PPP4R2: variants seen among roughly 807,000 people sequenced by gnomAD.
PPP4R2 encodes the protein protein phosphatase 4 regulatory subunit 2.
In PPP4R2, 13 loss-of-function variants were observed where a neutral mutation model predicts 47.2. The ratio of observed to expected loss-of-function variants is 0.28; its 90% CI spans 0.18 to 0.44. PPP4R2 has a LOEUF of 0.44. Ranked by LOEUF, PPP4R2 falls within the 20% of genes least tolerant of loss-of-function variation. The pLI, the probability that PPP4R2 is intolerant of heterozygous loss-of-function variation, is 1.00. For synonymous variants in PPP4R2, 151 were observed against 163.3 expected (o/e 0.92, Z 0.57); for missense variants, 421 against 491.2 (o/e 0.86, Z 1.35).
chr3:73,021,281 G>A (rs1489040882), intron 2 of PPP4R2, among the ~76,000 whole-genome samples: 2 of 150,406 alleles, frequency 1.3e-5, no homozygotes, highest in Admixed American at 6.6e-5. Flanking sequence ...CACCCAGGCT[G>A]GGGGTGCAGT....
chr3:73,055,848 C>A (rs576357421), intron 3 of PPP4R2, among the ~76,000 whole-genome samples: 4 of 152,206 alleles, frequency 2.6e-5, no homozygotes, highest in African/African-American at 9.6e-5. Context: ...CTCAGGGGAT[C>A]GCCTGCTTCG....
intron 2 of PPP4R2, among the ~76,000 whole-genome samples, chr3:73,000,416 CTG>C (rs1332076522): frequency 1.3e-5 from 2 of 152,098 alleles, no homozygotes; most frequent in African/African-American, 4.8e-5. Context: ...GTATGTGAAA[CTG>C]TTTATGGATC....
At position 73,047,485 on chromosome 3, in the gene PPP4R2, GTAGTAGTTGA is replaced by G. The variant is rs1182509437; in HGVS notation, c.287+131_287+140del. The G allele has an allele frequency of 3.2e-5, 18 of 558,102 alleles. 1 individual carries two copies. Among genetic ancestry groups the G allele is most frequent in the Non-Finnish European group, 5.9e-6 (2 of 337,160 alleles). 34.6% of individuals were successfully genotyped at this position (558,102 alleles called of 1,614,324 possible). A position where few individuals can be genotyped will look rare whatever the true frequency, so the allele number is the denominator to read the frequency against. ...ATAAATTCCTTGTTTCTAGTGACAT[GTAGTAGTTGA>G]TGATTTTTAGCTTACAACTATTTAA... On this transcript the variant is annotated intron_variant, in intron 3 of 8. Transcript: ENST00000356692.
intron 2 of PPP4R2, among the ~76,000 whole-genome samples, chr3:73,045,294 C>T (rs1409856855): frequency 6.6e-6 from 1 of 152,170 alleles, no homozygotes; most frequent in Non-Finnish European, 1.5e-5. Flanking sequence ...TGAGCCACCA[C>T]ACCTGGCCTC....
chr3:72,997,018 G>C lies in PPP4R2; in HGVS notation c.-20G>C. 7.2e-7 allele frequency: 1 copy of C among 1,389,986 alleles called. No homozygotes were observed. The highest frequency in any genetic ancestry group is 9.5e-7 in the Non-Finnish European group (1 of 1,055,958). The allele number at this position is 1,389,986 out of a possible 1,614,324, so 86.1% of individuals were successfully genotyped here. ...AGACCCGCGGAGGGAGGCGGAGGCTGTGAGGGACTCCGGGAAGCCATGGAC... is the reference window on the plus strand; with the variant it reads ...AGACCCGCGGAGGGAGGCGGAGGCTCTGAGGGACTCCGGGAAGCCATGGAC... On this transcript the variant is annotated 5_prime_UTR_variant, in exon 1 of 9. Transcript: ENST00000356692.
chr3:73,028,767 A>G (rs1208669416), intron 2 of PPP4R2, among the ~76,000 whole-genome samples: 1 of 152,114 alleles, frequency 6.6e-6, no homozygotes, highest in Non-Finnish European at 1.5e-5. Context: ...CTTTCAGTGC[A>G]AAAGCCTTAA....
intron 2 of PPP4R2, among the ~76,000 whole-genome samples, chr3:73,005,833 C>CA (rs71623999): frequency 0.011 from 1,322 of 121,644 alleles, 37 homozygotes; most frequent in African/African-American, 0.035. Context: ...ACTCTGTCTG[C>CA]AAAAAAAAAA....
At chr3:72,997,791 C>T (rs892929122) in intron 1 of PPP4R2, among the ~76,000 whole-genome samples, 3 of 152,110 alleles carry the variant, frequency 2.0e-5, no homozygotes, top group Non-Finnish European at 4.4e-5. Flanking sequence ...GGATTCCCAG[C>T]TTAATATAAT....
chr3:73,066,483 T>G lies in PPP4R2; in HGVS notation c.*761T>G, dbSNP rs934895774. ...CCAAGAGATCTGTTCAAACTCAAAT[T>G]CTTTTGTATACTTCTGAGGTGCCTG... is the stretch of plus-strand genomic sequence containing the variant. On this transcript the variant is annotated 3_prime_UTR_variant, in exon 9 of 9. Transcript: ENST00000356692. 3 of 151,938 alleles carry G rather than the reference T, an allele frequency of 2.0e-5. No individual in the cohort carries two copies. The highest frequency in any genetic ancestry group is 7.2e-5 in the African/African-American group (3 of 41,428). The allele number at this position is 151,938 out of a possible 1,614,324, so 9.4% of individuals were successfully genotyped here. A position where few individuals can be genotyped will look rare whatever the true frequency, so the allele number is the denominator to read the frequency against.
rs201932047 is a variant in PPP4R2 at position 73,037,120 on chromosome 3, AT to A, written c.117-10058del. 6.8e-3 allele frequency among the ~76,000 whole-genome samples: 1,038 copies of A among 151,752 alleles called. 21 individuals are homozygous for A. The highest frequency in any genetic ancestry group is 0.023 in the African/African-American group (968 of 41,368). On this transcript the variant is annotated intron_variant, in intron 2 of 8. Coordinates refer to ENST00000356692, the MANE Select transcript of PPP4R2 (RefSeq NM_174907.4). ...GGTCTTTGGGTTGGATAGAAGGGGG[AT>A]TTTTTTTCCCCCTCCACTTAATACA...
At chr3:73,049,165 A>G (rs1249024033) in intron 3 of PPP4R2, among the ~76,000 whole-genome samples, 23 of 152,230 alleles carry the variant, frequency 1.5e-4, no homozygotes, top group Admixed American at 1.5e-3. Context: ...CATGTTGCAT[A>G]AGATTTACTG....
chr3:73,065,554 A>C lies in PPP4R2; in HGVS notation c.1086A>C (p.Glu362Asp), dbSNP rs777193830. The C allele has an allele frequency of 6.2e-7, 1 of 1,613,056 alleles. No homozygotes were observed. Among genetic ancestry groups the C allele is most frequent in the Non-Finnish European group, 8.5e-7 (1 of 1,179,700 alleles). Residue 362 changes from glutamate to aspartate, a missense_variant, in exon 9 of 9, where the codon GAA (glutamate) becomes GAC (aspartate). Around this residue, in one of 2 missense-constraint regions of PPP4R2, gnomAD observed 317 missense variants for 287.5 expected, o/e 1.10. Transcript: ENST00000356692. The stretch of plus-strand genomic sequence containing the variant: ...CTGAGAAAGATTTGCTACATTCTGA[A>C]GGTAGTGAAAACGAAGGCCCTGTAA... ...SQAEKDLLHSEGSENEGPVSS... is the reference protein window; with the variant it reads ...SQAEKDLLHSDGSENEGPVSS...
In PPP4R2 at chr3:73,036,840, C is replaced by T. The variant is rs186099127; in HGVS notation, c.117-10346C>T. Among the ~76,000 whole-genome samples the T allele has an allele frequency of 3.1e-3, 466 of 150,586 alleles. 1 individual carries two copies. The highest frequency in any genetic ancestry group is 4.6e-3 in the Non-Finnish European group (313 of 67,648). On this transcript the variant is annotated intron_variant, in intron 2 of 8. Transcript: ENST00000356692. ...TGTATATAAAATTACACAAAATAAA[C>T]GAATACCAAAATATTAGCTAACATA...
rs180718876 is a variant in PPP4R2, at chr3:73,019,726, T to C, written c.116+21568T>C. Among the ~76,000 whole-genome samples, 133 of 152,250 alleles carry C rather than the reference T, an allele frequency of 8.7e-4. 2 individuals carry two copies. The highest frequency in any genetic ancestry group is 3.1e-3 in the African/African-American group (130 of 41,540). The stretch of plus-strand genomic sequence containing the variant: ...AAAATAATAGAAATTATTATTGGGA[T>C]TGGAGTCATGAGTGTGAGTGGGTGA... On this transcript the variant is annotated intron_variant, in intron 2 of 8. Coordinates refer to ENST00000356692, the MANE Select transcript of PPP4R2 (RefSeq NM_174907.4).
chr3:72,999,622 AAAT>A (rs1351643235), intron 2 of PPP4R2, among the ~76,000 whole-genome samples: 2 of 152,234 alleles, frequency 1.3e-5, no homozygotes, highest in African/African-American at 4.8e-5. Context: ...ATAAATGTAT[AAAT>A]AATTGAAAGT....
intron 5 of PPP4R2, chr3:73,062,752 A>G (rs761305748): frequency 1.3e-5 from 21 of 1,613,892 alleles, no homozygotes; most frequent in Non-Finnish European, 8.5e-6. Context: ...AGACTTTCAC[A>G]TGGTGAGAGT....
At chr3:73,030,754 G>C (rs1702151798) in intron 2 of PPP4R2, among the ~76,000 whole-genome samples, 1 of 151,654 alleles carries the variant, frequency 6.6e-6, no homozygotes, top group South Asian at 2.1e-4. Flanking sequence ...CCAGGCCGGA[G>C]TGCAGTGGCG....
chr3:73,051,775 G>A (rs959312023), intron 3 of PPP4R2, among the ~76,000 whole-genome samples: 2 of 152,006 alleles, frequency 1.3e-5, no homozygotes, highest in African/African-American at 2.4e-5. Flanking sequence ...ACAGGCACCC[G>A]CCACCACGCC....
rs1386682616 is a variant in PPP4R2, at chr3:73,067,342, A to G, written c.*1620A>G. On this transcript the variant is annotated 3_prime_UTR_variant, in exon 9 of 9. Coordinates refer to ENST00000356692, the MANE Select transcript of PPP4R2 (RefSeq NM_174907.4). ...TTGGGTGATTTGGGGGGCAACCACA[A>G]GTTTTGCGTTTTGACTACTTAAATC... The G allele has an allele frequency of 6.6e-6, 1 of 152,052 alleles. No homozygotes were observed. The highest frequency in any genetic ancestry group is 2.4e-5 in the African/African-American group (1 of 41,398). 9.4% of individuals were successfully genotyped at this position (152,052 alleles called of 1,614,324 possible).
Sources: allele counts gnomAD v4.1 joint callset (sites outside exome capture counted in the v4.1 genomes callset), GRCh38; gene constraint gnomAD v4.1.1; regional missense constraint gnomAD v4.1.1; transcripts MANE v1.5; gene names NCBI Gene and HGNC (gene_info 2026-07-23, HGNC 2026-07-21).